ANKAR: variants seen among roughly 807,000 people sequenced by gnomAD.
ANKAR encodes the protein ankyrin and armadillo repeat containing.
ANKAR carries 136 observed loss-of-function variants against 146.2 expected under a neutral mutation model. That is an observed-to-expected ratio of 0.93 (90% CI 0.81 to 1.07). The LOEUF is 1.07. Among genes scored for constraint, ANKAR ranks in the 50% least tolerant of loss-of-function variants. The pLI is 0.00. For missense variants in ANKAR, 1,567 were observed against 1,679.9 expected (o/e 0.93, Z 1.18); for synonymous variants, 500 against 575.8 (o/e 0.87, Z 1.88).
At chr2:189,701,406 T>G (rs769205987) in intron 7 of ANKAR, among the ~76,000 whole-genome samples, 66 of 152,192 alleles carry the variant, frequency 4.3e-4, no homozygotes, top group Non-Finnish European at 8.7e-4. Flanking sequence ...CTAATTTTGT[T>G]TATTTTTTTG....
intron 12 of ANKAR, among the ~76,000 whole-genome samples, chr2:189,725,941 G>A (rs1266771811): frequency 6.6e-6 from 1 of 151,932 alleles, no homozygotes; most frequent in Admixed American, 6.6e-5. Context: ...AAAGTAAAGG[G>A]TTGAATAAAA....
intron 19 of ANKAR, among the ~76,000 whole-genome samples, chr2:189,739,674 C>T (rs1346625236): frequency 1.3e-5 from 2 of 151,904 alleles, no homozygotes; most frequent in East Asian, 3.9e-4. Flanking sequence ...AGCGATTCTC[C>T]TGCCTCAGCC....
chr2:189,729,808 A>T (rs556832356), intron 15 of ANKAR, among the ~76,000 whole-genome samples: 15 of 151,742 alleles, frequency 9.9e-5, no homozygotes, highest in African/African-American at 3.6e-4. Context: ...TTCATTGTTC[A>T]CTGAGAGGCT....
At chr2:189,703,412 G>A (rs1310319049) in intron 7 of ANKAR, among the ~76,000 whole-genome samples, 1 of 152,128 alleles carries the variant, frequency 6.6e-6, no homozygotes, top group Non-Finnish European at 1.5e-5. Flanking sequence ...GTGCCAAAGA[G>A]TCTTCCAGAT....
chr2:189,704,544 CATATATATATATATAT>C (rs10578902), intron 7 of ANKAR, among the ~76,000 whole-genome samples: 3,237 of 36,422 alleles, frequency 0.089, 92 homozygotes, highest in Non-Finnish European at 0.11. Flanking sequence ...CCTTTGTTAA[CATATATATATATATAT>C]ATATATATAT....
chr2:189,675,262 A>G (rs1401175333), intron 1 of ANKAR, among the ~76,000 whole-genome samples: 1 of 152,242 alleles, frequency 6.6e-6, no homozygotes, highest in African/African-American at 2.4e-5. Flanking sequence ...ATTATATAGT[A>G]AAGAACCTGG....
Position 189,737,773 on chromosome 2 carries a change from A to G in ANKAR, c.3514A>G (p.Thr1172Ala). The G allele has an allele frequency of 6.3e-7, 1 of 1,593,356 alleles. No homozygotes were observed. The highest frequency in any genetic ancestry group is 8.5e-7 in the Non-Finnish European group (1 of 1,174,042). Residue 1172 changes from threonine (T) to alanine (A), a missense_variant, in exon 18 of 23, where the codon ACC (threonine) becomes GCC (alanine). Thr to Ala is a moderately conservative substitution (Grantham distance 58). Transcript: ENST00000684021. ...QYLILESGIM[T>A]ISIFERFLES... is the part of the protein sequence containing the mutation. ...CTTAATATTGGAAAGTGGAATAATG[A>G]CCATATCTATTTTTGAACGTTTTCT...
chr2:189,716,676 C>G (rs1435437718), intron 10 of ANKAR, among the ~76,000 whole-genome samples: 2 of 152,202 alleles, frequency 1.3e-5, no homozygotes, highest in East Asian at 1.9e-4. Context: ...ATCACGCTAC[C>G]TGACTCCAAA....
At chr2:189,696,408 A>G in intron 7 of ANKAR, 39 bp downstream of exon 7, 1 of 1,579,146 alleles carries the variant, frequency 6.3e-7, no homozygotes, top group Non-Finnish European at 8.6e-7. Flanking sequence ...TTGTTATTTT[A>G]TTTACCCTTA....
downstream of ANKAR, among the ~76,000 whole-genome samples, chr2:189,750,030 G>A (rs539898749): frequency 1.3e-4 from 20 of 152,270 alleles, no homozygotes; most frequent in African/African-American, 4.8e-4. Context: ...GGCTGAAGCA[G>A]GAGAATCGCT....
chr2:189,720,697 G>A lies in ANKAR; in HGVS notation c.2545G>A (p.Val849Ile). 4 of 1,507,732 alleles carry A rather than the reference G, an allele frequency of 2.7e-6. No individual in the cohort carries two copies. Among genetic ancestry groups the A allele is most frequent in the African/African-American group, 1.4e-5 (1 of 69,890 alleles). The allele number at this position is 1,507,732 out of a possible 1,614,324, so 93.4% of individuals were successfully genotyped here. A position where few individuals can be genotyped will look rare whatever the true frequency, so the allele number is the denominator to read the frequency against. Residue 849 changes from valine (V) to isoleucine (I), a missense_variant, in exon 12 of 23, where the codon GTA becomes ATA. By Grantham distance (29) the Val-to-Ile change is conservative. Transcript: ENST00000684021. ...AGTAAATGTAATGAACTGTATACGG[G>A]TATTGTGTATAGGAAATGAAAACAA... ...VLVNVMNCIR[V>I]LCIGNENNQR...
At chr2:189,731,446 T>C (rs2042391732) in intron 16 of ANKAR, among the ~76,000 whole-genome samples, 1 of 148,950 alleles carries the variant, frequency 6.7e-6, no homozygotes, top group South Asian at 2.1e-4. Flanking sequence ...CCATCTCAGC[T>C]CACTGCAACC....
chr2:189,755,251 C>T (rs1302921478), intron 18 of ANKAR: 1 of 1,613,514 alleles, frequency 6.2e-7, no homozygotes, highest in South Asian at 1.1e-5. Flanking sequence ...GAACTAATGC[C>T]AACAGACAGT....
intron 7 of ANKAR, 93 bp from the exon 8 acceptor site, chr2:189,704,930 C>A: frequency 2.5e-6 from 3 of 1,203,742 alleles, no homozygotes; most frequent in Admixed American, 1.8e-5. Context: ...TCATACAATA[C>A]TAAGCTCTGT....
chr2:189,711,724 G>C (rs1011738722), intron 10 of ANKAR, among the ~76,000 whole-genome samples: 1 of 152,164 alleles, frequency 6.6e-6, no homozygotes, highest in Non-Finnish European at 1.5e-5. Context: ...TGAGGTACCT[G>C]CTTCATCTCC....
At position 189,705,049 on chromosome 2, in the gene ANKAR, C is replaced by G. The variant is rs201140442; in HGVS notation, c.1735C>G (p.Gln579Glu). 6.2e-7 allele frequency: 1 copy of G among 1,614,016 alleles called. No individual in the cohort carries two copies. Among genetic ancestry groups the G allele is most frequent in the Admixed American group, 1.7e-5 (1 of 60,000 alleles). ...TCCAACACCTCTACACCTTGCTGCA[C>G]AGGCTTGCTCATTAGAAACAACAGT... ...QGPTPLHLAA[Q>E]ACSLETTVCL... The change falls in exon 8 of 23, where the codon CAG becomes GAG. Residue 579 changes from glutamine to glutamate, a missense_variant. Physicochemically the swap from Gln to Glu is conservative, Grantham distance 29. Transcript: ENST00000684021.
At chr2:189,742,344 T>C (rs180744174) in intron 20 of ANKAR, among the ~76,000 whole-genome samples, 7 of 152,156 alleles carry the variant, frequency 4.6e-5, no homozygotes, top group Admixed American at 2.0e-4. Context: ...GTTCATTCTA[T>C]GAAACTTTTT....
At chr2:189,725,327 C>A (rs1381481241) in intron 12 of ANKAR, among the ~76,000 whole-genome samples, 2 of 145,498 alleles carry the variant, frequency 1.4e-5, no homozygotes, top group Non-Finnish European at 1.5e-5. Flanking sequence ...TATATATGAT[C>A]CAGAAGCAAT....
rs1167774706 is a variant in ANKAR at position 189,689,667 on chromosome 2, A to G, written c.742A>G (p.Thr248Ala). 3.1e-6 allele frequency: 5 copies of G among 1,613,690 alleles called. No homozygotes were observed. Among genetic ancestry groups the G allele is most frequent in the Non-Finnish European group, 4.2e-6 (5 of 1,179,836 alleles). ...KYAENIMLKL[T>A]FSTTQIQQYE... ...TGCTGAAAATATTATGCTAAAGTTA[A>G]CATTCAGTACCACACAAATTCAACA... The change falls in exon 3 of 23, where the codon ACA becomes GCA. Residue 248 changes from threonine to alanine, a missense_variant. By Grantham distance (58) the Thr-to-Ala change is moderately conservative (BLOSUM62 0). Transcript: ENST00000684021.
Sources: gnomAD v4.1 joint callset for allele counts (sites outside exome capture counted in the v4.1 genomes callset) on GRCh38, gnomAD v4.1.1 for gene constraint, MANE v1.5 for transcripts, NCBI Gene and HGNC (gene_info 2026-07-23, HGNC 2026-07-21) for gene names.